F10: variants seen among roughly 807,000 people sequenced by gnomAD.
The protein encoded by F10 is Stuart-Prower factor.
A neutral mutation model predicts 37.1 loss-of-function variants in F10; 29 were observed. That is an observed-to-expected ratio of 0.78 (90% CI 0.58 to 1.07). F10 has a LOEUF of 1.07. F10 is among the 50% of genes least tolerant of loss of function. The pLI is 0.00. For missense variants in F10, 539 were observed against 667.9 expected, an observed-to-expected ratio of 0.81 and a Z score of 2.13; for synonymous variants, 262 against 268.6, an observed-to-expected ratio of 0.98 and a Z score of 0.24.
At chr13:113,148,780 C>G in intron 7 of F10, 136 bp from the exon 8 acceptor site, 1 of 1,446,516 alleles carries the variant, frequency 6.9e-7, no homozygotes, top group South Asian at 1.4e-5. Flanking sequence ...GCACTTCCCT[C>G]TATTTTTCAA....
At chr13:113,133,189 A>G (rs2036448974) in intron 2 of F10, among the ~76,000 whole-genome samples, 2 of 152,058 alleles carry the variant, frequency 1.3e-5, no homozygotes, top group African/African-American at 4.8e-5. Flanking sequence ...AATAAACTAG[A>G]AAAAAAGAAA....
Position 113,141,293 on chromosome 13 carries a change from C to G in F10, c.502+243C>G, listed in dbSNP as rs564549241. On this transcript the variant is annotated intron_variant, in intron 5 of 7. Transcript: ENST00000375559. This position sits in a 1 kb window ranked among gnomAD's most constrained non-coding sequence, Gnocchi z 5.4. ...GATCTGCTGTTTAACCTCAGCTTCC[C>G]CATCTGACAAATGGGACCAACACTA... Among the ~76,000 whole-genome samples the G allele has an allele frequency of 6.6e-6, 1 of 152,372 alleles. No homozygotes were observed. Among genetic ancestry groups the G allele is most frequent in the Non-Finnish European group, 1.5e-5 (1 of 68,040 alleles).
intron 6 of F10, among the ~76,000 whole-genome samples, chr13:113,147,072 G>A (rs530205876): frequency 3.9e-5 from 6 of 152,322 alleles, no homozygotes; most frequent in East Asian, 1.9e-4. Context: ...CCACAGAGAC[G>A]GGAAAGGCTG....
chr13:113,132,727 T>C (rs1191499625), intron 2 of F10, among the ~76,000 whole-genome samples: 1 of 152,252 alleles, frequency 6.6e-6, no homozygotes, highest in Non-Finnish European at 1.5e-5. Flanking sequence ...CATTTTTTCC[T>C]CCAGTCTTCC....
At chr13:113,142,809 G>A (rs2036544933) in intron 5 of F10, among the ~76,000 whole-genome samples, 1 of 151,882 alleles carries the variant, frequency 6.6e-6, no homozygotes, top group Admixed American at 6.6e-5. Context: ...GCGCACGCCT[G>A]TAATCCCAGC....
intron 1 of F10, among the ~76,000 whole-genome samples, chr13:113,125,653 C>G (rs935213343): frequency 2.0e-5 from 3 of 152,266 alleles, no homozygotes; most frequent in African/African-American, 7.2e-5. Flanking sequence ...ACCCGGCCTG[C>G]TCAGTCTGAC....
At chr13:113,134,220 A>G (rs892037362) in intron 2 of F10, among the ~76,000 whole-genome samples, 4 of 152,236 alleles carry the variant, frequency 2.6e-5, no homozygotes, top group Non-Finnish European at 5.9e-5. Flanking sequence ...TAAAGTTATC[A>G]CTATTTGAAG....
At chr13:113,148,399 T>TACACACACAC (rs10672302) in intron 7 of F10, among the ~76,000 whole-genome samples, 15 of 138,618 alleles carry the variant, frequency 1.1e-4, no homozygotes, top group East Asian at 4.2e-4. Flanking sequence ...TACATATATA[T>TACACACACAC]ACACACACAC....
chr13:113,145,124 C>G (rs2036570560), intron 6 of F10, among the ~76,000 whole-genome samples: 1 of 152,218 alleles, frequency 6.6e-6, no homozygotes, highest in African/African-American at 2.4e-5. Flanking sequence ...TGGTGATCTG[C>G]CCACCTCAGC....
intron 2 of F10, 135 bp downstream of exon 2, chr13:113,129,747 C>A: frequency 8.5e-7 from 1 of 1,179,422 alleles, no homozygotes; most frequent in Non-Finnish European, 1.2e-6. Context: ...AGGGGCGGGG[C>A]CCAGCAAATC....
chr13:113,142,556 CAA>C (rs5806973), intron 5 of F10, among the ~76,000 whole-genome samples: 116 of 61,348 alleles, frequency 1.9e-3, no homozygotes, highest in African/African-American at 3.9e-3. Flanking sequence ...GACTCTGTCT[CAA>C]AAAAAAAAAA....
rs143895127 is a variant in F10 at position 113,144,568 on chromosome 13, G to A, written c.747+473G>A. The stretch of plus-strand genomic sequence containing the variant: ...AAGGCCTCCATCTGCTCTTCTGTTT[G>A]ACGGGAGGCAGAAAGAGTTGGTGTC... On this transcript the variant is annotated intron_variant, in intron 6 of 7. Transcript: ENST00000375559. The surrounding 1 kb of genome is among the most constrained non-coding windows in gnomAD (Gnocchi z 6.4). 6.6e-6 allele frequency among the ~76,000 whole-genome samples: 1 copy of A among 152,392 alleles called. No homozygotes were observed. The highest frequency in any genetic ancestry group is 1.9e-4 in the East Asian group (1 of 5,180).
At chr13:113,127,066 T>C (rs1227349454) in intron 1 of F10, among the ~76,000 whole-genome samples, 1 of 152,216 alleles carries the variant, frequency 6.6e-6, no homozygotes, top group Non-Finnish European at 1.5e-5. Flanking sequence ...ATGGGGAATT[T>C]GGAAGGTAAA....
rs566298973 is a variant in F10, at chr13:113,139,714, CGA to C, written c.370+251_370+252del. ...AGACACAGTCACTTCTCTGCTCCTC[CGA>C]GAGAGACTGTAGAACATTGATGAAG... On this transcript the variant is annotated intron_variant, in intron 4 of 7. Transcript: ENST00000375559. The surrounding 1 kb of genome is among the most constrained non-coding windows in gnomAD (Gnocchi z 5.2). Among the ~76,000 whole-genome samples, 7 of 151,962 alleles carry C rather than the reference CGA, an allele frequency of 4.6e-5. No homozygotes were observed. Among genetic ancestry groups the C allele is most frequent in the Admixed American group, 3.9e-4 (6 of 15,256 alleles).
rs1394460845 is a variant in F10 at position 113,129,571 on chromosome 13, T to C, written c.190T>C (p.Tyr64His). 2 of 1,614,172 alleles carry C rather than the reference T, an allele frequency of 1.2e-6. No homozygotes were observed. The highest frequency in any genetic ancestry group is 8.5e-7 in the Non-Finnish European group (1 of 1,179,998). Residue 64 changes from tyrosine to histidine, a missense_variant, in exon 2 of 8, where the codon TAC (tyrosine) becomes CAC (histidine). This residue lies in a region of F10 where 130 missense variants were observed against 120.0 expected (regional missense o/e 1.08). Transcript: ENST00000375559. ...ERECMEETCS[Y>H]EEAREVFEDS... ...AGAGTGCATGGAAGAGACCTGCTCA[T>C]ACGAAGAGGCCCGCGAGGTCTTTGA...
In F10 at chr13:113,141,151, G is replaced by A; in HGVS notation, c.502+101G>A. On this transcript the variant is annotated intron_variant, in intron 5 of 7. Coordinates refer to ENST00000375559, the MANE Select transcript of F10 (RefSeq NM_000504.4). The surrounding 1 kb of genome is among the most constrained non-coding windows in gnomAD (Gnocchi z 5.4). The stretch of plus-strand genomic sequence containing the variant: ...GGGGACACAGGCATGTTCTGGGCGG[G>A]CCTGGCAGGTAACAGTGACACCAAG... 1.3e-6 allele frequency: 2 copies of A among 1,540,538 alleles called. No homozygotes were observed. Among genetic ancestry groups the A allele is most frequent in the Non-Finnish European group, 1.8e-6 (2 of 1,139,424 alleles).
chr13:113,139,243 C>G lies in F10; in HGVS notation c.257-114C>G. 2.5e-6 allele frequency: 2 copies of G among 804,084 alleles called. No homozygotes were observed. The highest frequency in any genetic ancestry group is 4.2e-6 in the Non-Finnish European group (2 of 476,060). 49.8% of individuals were successfully genotyped at this position (804,084 alleles called of 1,614,324 possible). On this transcript the variant is annotated intron_variant, in intron 3 of 7. Transcript: ENST00000375559. This position sits in a 1 kb window ranked among gnomAD's most constrained non-coding sequence, Gnocchi z 5.2. ...AGAGGGGGAGTTGTTTACAGAGAAA[C>G]CGGAAGACTCTTCCAGTTATCTGAA...
At position 113,138,454 on chromosome 13, in the gene F10, T is replaced by TA. The variant is rs1378108719; in HGVS notation, c.232-2dup. On this transcript the variant is annotated splice_region_variant and splice_polypyrimidine_tract_variant and intron_variant, in intron 2 of 7. Coordinates refer to ENST00000375559, the MANE Select transcript of F10 (RefSeq NM_000504.4). ...TATTTTTAAATTTCTTTTTTCCTTTTAGAATGAATTCTGGAATAAATACAA... is the reference window on the plus strand; with the variant it reads ...TATTTTTAAATTTCTTTTTTCCTTTTAAGAATGAATTCTGGAATAAATACAA... 1 of 1,306,420 alleles carries TA rather than the reference T, an allele frequency of 7.7e-7. No individual in the cohort carries two copies. The highest frequency in any genetic ancestry group is 1.1e-6 in the Non-Finnish European group (1 of 907,164). 80.9% of individuals were successfully genotyped at this position (1,306,420 alleles called of 1,614,324 possible).
At chr13:113,140,018 T>C (rs1052419423) in intron 4 of F10, among the ~76,000 whole-genome samples, 1 of 151,944 alleles carries the variant, frequency 6.6e-6, no homozygotes, top group Non-Finnish European at 1.5e-5. Flanking sequence ...TACTGTTAGA[T>C]CAATTTCCCT....
Sources: allele counts gnomAD v4.1 joint callset (sites outside exome capture counted in the v4.1 genomes callset), GRCh38; gene constraint gnomAD v4.1.1; regional missense constraint gnomAD v4.1.1; non-coding constraint Gnocchi (gnomAD v3.1); transcripts MANE v1.5; gene names NCBI Gene and HGNC (gene_info 2026-07-23, HGNC 2026-07-21).